The following ITPRID2 variants were observed in gnomAD, a reference collection of about 807,000 sequenced individuals.
The protein encoded by ITPRID2 is ITPR interacting domain containing 2.
In ITPRID2, 60 loss-of-function variants were observed where a neutral mutation model predicts 124.3. The ratio of observed to expected loss-of-function variants is 0.48; its 90% CI spans 0.39 to 0.60. The LOEUF is 0.60. Ranked by LOEUF, ITPRID2 falls within the 20% of genes least tolerant of loss-of-function variation. ITPRID2 has a pLI of 0.00. For missense variants in ITPRID2, 1,553 were observed against 1,512.2 expected, an observed-to-expected ratio of 1.03 and a Z score of -0.45; for synonymous variants, 521 against 542.9, an observed-to-expected ratio of 0.96 and a Z score of 0.56.
chr2:181,918,974 C>G, intron 13 of ITPRID2, 92 bp downstream of exon 13: 1 of 1,465,332 alleles, frequency 6.8e-7, no homozygotes, highest in Non-Finnish European at 9.2e-7. Context: ...TTTGATTCTA[C>G]TGCTGTGTAC....
chr2:181,910,464 G>A lies in ITPRID2; in HGVS notation c.1486+493G>A. The A allele has an allele frequency of 1.7e-6, 1 of 574,270 alleles. No individual in the cohort carries two copies. The highest frequency in any genetic ancestry group is 3.1e-6 in the Non-Finnish European group (1 of 321,120). The allele number at this position is 574,270 out of a possible 1,614,324, so 35.6% of individuals were successfully genotyped here. On this transcript the variant is annotated intron_variant, in intron 9 of 17. Coordinates refer to ENST00000431877, the MANE Select transcript of ITPRID2 (RefSeq NM_001130445.3). The surrounding 1 kb of genome is among the most constrained non-coding windows in gnomAD (Gnocchi z 4.1). ...TCGAAGGTGAGTGGTTGTAGATACT[G>A]TTCCTCTCTTAAATTATTAATTATT...
At chr2:181,927,844 G>T (rs1044688264) in intron 16 of ITPRID2, among the ~76,000 whole-genome samples, 5 of 152,162 alleles carry the variant, frequency 3.3e-5, no homozygotes, top group African/African-American at 1.2e-4. Flanking sequence ...AGTCCTTCCA[G>T]ATTATTTTTT....
intron 17 of ITPRID2, among the ~76,000 whole-genome samples, 159 bp from the exon 18 acceptor site, chr2:181,929,402 G>A (rs546475408): frequency 1.3e-5 from 2 of 151,572 alleles, no homozygotes; most frequent in South Asian, 2.1e-4. Context: ...TTAAAGCCAG[G>A]GATATAAGAA....
intron 8 of ITPRID2, among the ~76,000 whole-genome samples, chr2:181,904,692 A>T (rs1028284903): frequency 5.9e-5 from 9 of 152,160 alleles, no homozygotes; most frequent in Non-Finnish European, 1.0e-4. Context: ...ACCATGAGTA[A>T]ATATAAGTTA....
In ITPRID2 at chr2:181,896,078, G is replaced by A; in HGVS notation, c.306G>A (p.Lys102=). 1.2e-6 allele frequency: 2 copies of A among 1,612,574 alleles called. No individual in the cohort carries two copies. Among genetic ancestry groups the A allele is most frequent in the Non-Finnish European group, 1.7e-6 (2 of 1,178,766 alleles). ...SLDEQSSSTL[K]GVLVRNGGSF... ...ATGAACAAAGCAGTAGTACACTCAAGGGTAAGAGAAGGTTGCCTTTCTAAA... is the reference window on the plus strand; with the variant it reads ...ATGAACAAAGCAGTAGTACACTCAAAGGTAAGAGAAGGTTGCCTTTCTAAA... Residue 102 remains lysine (K), a splice_region_variant and synonymous_variant, in exon 3 of 18, where the codon AAG becomes AAA. Transcript: ENST00000431877. This position sits in a 1 kb window ranked among gnomAD's most constrained non-coding sequence, Gnocchi z 4.3.
intron 9 of ITPRID2, among the ~76,000 whole-genome samples, chr2:181,911,627 G>T (rs1693613802): frequency 6.6e-6 from 1 of 151,932 alleles, no homozygotes; most frequent in Admixed American, 6.6e-5. Context: ...ATCATATATT[G>T]TATCTTTAGG....
At position 181,902,943 on chromosome 2, in the gene ITPRID2, G is replaced by A. The variant is rs1217582993; in HGVS notation, c.1413+477G>A. 6.6e-6 allele frequency among the ~76,000 whole-genome samples: 1 copy of A among 152,058 alleles called. No individual in the cohort carries two copies. The highest frequency in any genetic ancestry group is 1.5e-5 in the Non-Finnish European group (1 of 68,002). On this transcript the variant is annotated intron_variant, in intron 8 of 17. Coordinates refer to ENST00000431877, the MANE Select transcript of ITPRID2 (RefSeq NM_001130445.3). This position sits in a 1 kb window ranked among gnomAD's most constrained non-coding sequence, Gnocchi z 4.4. ...TGGGGATAGTTCTTGTTATATGACT[G>A]GAAAGAACATGAAGATATTACGTAC...
rs1444343645 is a variant in ITPRID2 at position 181,910,380 on chromosome 2, C to T, written c.1486+409C>T. 5 of 506,610 alleles carry T rather than the reference C, an allele frequency of 9.9e-6. No individual in the cohort carries two copies. Among genetic ancestry groups the T allele is most frequent in the East Asian group, 3.3e-5 (1 of 30,528 alleles). The allele number at this position is 506,610 out of a possible 1,614,324, so 31.4% of individuals were successfully genotyped here. A position where few individuals can be genotyped will look rare whatever the true frequency, so the allele number is the denominator to read the frequency against. On this transcript the variant is annotated intron_variant, in intron 9 of 17. Transcript: ENST00000431877. The surrounding 1 kb of genome is among the most constrained non-coding windows in gnomAD (Gnocchi z 4.1). ...CTAGGTATAACACATGAATATTCCTCTAGCAAAACCCACCAATTTTTTAGC... is the reference window on the plus strand; with the variant it reads ...CTAGGTATAACACATGAATATTCCTTTAGCAAAACCCACCAATTTTTTAGC...
Position 181,900,678 on chromosome 2 carries a change from T to A in ITPRID2, c.504-18T>A. 6.4e-7 allele frequency: 1 copy of A among 1,555,778 alleles called. No individual in the cohort carries two copies. Among genetic ancestry groups the A allele is most frequent in the Non-Finnish European group, 8.8e-7 (1 of 1,140,118 alleles). ...TTTTATATTTTCATGTTTCCTTTTTTGCCCCCTTTTTTTGTAGTGTTTCAG... is the reference window on the plus strand; with the variant it reads ...TTTTATATTTTCATGTTTCCTTTTTAGCCCCCTTTTTTTGTAGTGTTTCAG... On this transcript the variant is annotated intron_variant, in intron 6 of 17. Coordinates refer to ENST00000431877, the MANE Select transcript of ITPRID2 (RefSeq NM_001130445.3).
chr2:181,915,439 A>G lies in ITPRID2; in HGVS notation c.1799A>G (p.Asn600Ser), dbSNP rs147121882. 4,472 of 1,614,160 alleles carry G rather than the reference A, an allele frequency of 2.8e-3. 22 individuals carry two copies. The highest frequency in any genetic ancestry group is 2.8e-3 in the Non-Finnish European group (3,314 of 1,180,034). ...KSGSQDFPQC[N>S]TIENTGTKQS... The stretch of plus-strand genomic sequence containing the variant: ...GGTAGCCAGGATTTCCCTCAGTGCA[A>G]CACCATTGAGAATACAGGAACTAAA... The change falls in exon 11 of 18, where the codon AAC becomes AGC. Residue 600 changes from asparagine to serine, a missense_variant. Physicochemically the swap from Asn to Ser is conservative, Grantham distance 46. Transcript: ENST00000431877.
intron 14 of ITPRID2, 45 bp from the exon 15 acceptor site, chr2:181,920,552 A>AT (rs769451296): frequency 7.4e-7 from 1 of 1,355,524 alleles, no homozygotes; most frequent in Non-Finnish European, 1.0e-6. Flanking sequence ...ATGTATGTAT[A>AT]TATACACACA....
chr2:181,921,694 CTT>C (rs749414120), intron 15 of ITPRID2, among the ~76,000 whole-genome samples: 12 of 152,248 alleles, frequency 7.9e-5, no homozygotes, highest in Admixed American at 7.8e-4. Flanking sequence ...GATTTGGACA[CTT>C]TGGTGGTAAC....
chr2:181,915,563 T>C lies in ITPRID2; in HGVS notation c.1923T>C (p.Ser641=). ...CAGTAGAGCTACTGAGGGAAGCAAGTGCTGAAAGTGATGTGGGTAAAAGCA... is the reference window on the plus strand; with the variant it reads ...CAGTAGAGCTACTGAGGGAAGCAAGCGCTGAAAGTGATGTGGGTAAAAGCA... ...AETVELLREA[S]AESDVGKSSE... Residue 641 remains serine, a synonymous_variant, in exon 11 of 18, where the codon AGT becomes AGC. Coordinates refer to ENST00000431877, the MANE Select transcript of ITPRID2 (RefSeq NM_001130445.3). 6.2e-7 allele frequency: 1 copy of C among 1,614,218 alleles called. No individual in the cohort carries two copies. The highest frequency in any genetic ancestry group is 2.2e-5 in the East Asian group (1 of 44,884).
At chr2:181,918,445 T>G in intron 11 of ITPRID2, 153 bp from the exon 12 acceptor site, 1 of 1,450,470 alleles carries the variant, frequency 6.9e-7, no homozygotes, top group Non-Finnish European at 9.0e-7. Context: ...GGAACTGATT[T>G]CTTTTTTCCT....
intron 2 of ITPRID2, chr2:181,894,820 T>A (rs1176055138): frequency 6.6e-6 from 1 of 152,098 alleles, no homozygotes; most frequent in East Asian, 1.9e-4. Flanking sequence ...AAGTAAGATA[T>A]TTGTTTTCGA....
At chr2:181,912,614 A>G (rs1489179217) in intron 9 of ITPRID2, among the ~76,000 whole-genome samples, 1 of 152,118 alleles carries the variant, frequency 6.6e-6, no homozygotes, top group Admixed American at 6.5e-5. Flanking sequence ...CTCTTTTTCT[A>G]TGTGGTTCAT....
intron 2 of ITPRID2, chr2:181,893,973 A>T (rs541013489): frequency 6.6e-6 from 1 of 152,314 alleles, no homozygotes; most frequent in African/African-American, 2.4e-5. Flanking sequence ...GTGTTTGAGA[A>T]GTTGTTTTGT....
chr2:181,904,377 A>G (rs138222192), intron 8 of ITPRID2, among the ~76,000 whole-genome samples: 17 of 152,276 alleles, frequency 1.1e-4, no homozygotes, highest in African/African-American at 3.9e-4. Context: ...CATTGTAAAT[A>G]TGGGGAATTT....
At chr2:181,929,462 G>T (rs998420539) in intron 17 of ITPRID2, 99 bp from the exon 18 acceptor site, 21 of 707,148 alleles carry the variant, frequency 3.0e-5, no homozygotes, top group Non-Finnish European at 4.3e-5. Context: ...ATGTTTCTGT[G>T]TATATATATT....
Sources: allele counts gnomAD v4.1 joint callset (sites outside exome capture counted in the v4.1 genomes callset), GRCh38; gene constraint gnomAD v4.1.1; non-coding constraint Gnocchi (gnomAD v3.1); transcripts MANE v1.5; gene names NCBI Gene and HGNC (gene_info 2026-07-23, HGNC 2026-07-21).